Variants in GGNBP2 observed in about 807,000 individuals in gnomAD.
GGNBP2 encodes the protein gametogenetin binding protein 2, also known as gametogenetin-binding protein 2.
Under a neutral mutation model 85.9 loss-of-function variants are expected in GGNBP2, and 10 were observed. That is an observed-to-expected ratio of 0.12 (90% CI 0.07 to 0.20). The LOEUF is 0.20. Ranked by LOEUF, GGNBP2 falls within the 10% of genes least tolerant of loss-of-function variation. The probability of loss-of-function intolerance (pLI) is 1.00; values close to 1 mark genes in which losing one functional copy is unlikely to be tolerated. For synonymous variants in GGNBP2, 287 were observed against 285.7 expected (o/e 1.00, Z -0.05); for missense variants, 595 against 857.8 (o/e 0.69, Z 3.83).
At chr17:36,576,442 G>A (rs1371354365) in intron 6 of GGNBP2, among the ~76,000 whole-genome samples, 3 of 98,098 alleles carry the variant, frequency 3.1e-5, no homozygotes, top group Middle Eastern at 5.0e-3. Flanking sequence ...TAATCCCAGC[G>A]ACTCGGGAGA....
At chr17:36,572,462 G>A (rs1468738690) in intron 6 of GGNBP2, among the ~76,000 whole-genome samples, 1 of 152,192 alleles carries the variant, frequency 6.6e-6, no homozygotes, top group Non-Finnish European at 1.5e-5. Flanking sequence ...ACTGAGGTGG[G>A]CGGATTGTTT....
intron 6 of GGNBP2, chr17:36,575,301 G>A (rs374903756): frequency 2.4e-5 from 12 of 491,746 alleles, no homozygotes; most frequent in African/African-American, 1.8e-4. Context: ...CCCCACCACC[G>A]GCTGCCACCA....
At chr17:36,569,688 A>G (rs2142743535) in intron 6 of GGNBP2, among the ~76,000 whole-genome samples, 1 of 152,186 alleles carries the variant, frequency 6.6e-6, no homozygotes, top group East Asian at 1.9e-4. Flanking sequence ...TTTTTGGTGG[A>G]TTATGCCCAA....
chr17:36,553,997 T>C (rs1211815871), intron 2 of GGNBP2, among the ~76,000 whole-genome samples: 1 of 152,120 alleles, frequency 6.6e-6, no homozygotes, highest in Non-Finnish European at 1.5e-5. Flanking sequence ...GCCCTTTTTG[T>C]TCATAATTAG....
At chr17:36,550,296 C>A (rs1446130305) in intron 2 of GGNBP2, among the ~76,000 whole-genome samples, 2 of 151,168 alleles carry the variant, frequency 1.3e-5, no homozygotes, top group African/African-American at 4.8e-5. Flanking sequence ...TCTAAATAGA[C>A]TACTCTGATA....
chr17:36,577,909 C>A, intron 6 of GGNBP2, 74 bp from the exon 7 acceptor site: 1 of 1,145,076 alleles, frequency 8.7e-7, no homozygotes, highest in Non-Finnish European at 1.3e-6. Context: ...GTGCCATCAT[C>A]TAGTACACTG....
At chr17:36,572,763 A>G (rs1044068919) in intron 6 of GGNBP2, among the ~76,000 whole-genome samples, 8 of 152,308 alleles carry the variant, frequency 5.3e-5, no homozygotes, top group South Asian at 2.1e-4. Flanking sequence ...TGTTAACTAT[A>G]TGCACATTGT....
At chr17:36,553,745 A>G (rs900327097) in intron 2 of GGNBP2, among the ~76,000 whole-genome samples, 1 of 152,186 alleles carries the variant, frequency 6.6e-6, no homozygotes, top group East Asian at 1.9e-4. Flanking sequence ...TTTTGAAGGC[A>G]TATCTTTTTC....
chr17:36,576,613 G>GTA (rs1280919620), intron 6 of GGNBP2: 3 of 120,472 alleles, frequency 2.5e-5, no homozygotes, highest in African/African-American at 7.2e-5. Flanking sequence ...GTGTGTGTGT[G>GTA]TGTGTGTGTG....
chr17:36,565,124 G>A lies in GGNBP2; in HGVS notation c.528-2539G>A, dbSNP rs543284141. Among the ~76,000 whole-genome samples the A allele has an allele frequency of 3.1e-4, 47 of 152,308 alleles. No homozygotes were observed. In the South Asian group the frequency reaches 4.8e-3, roughly 15 times the overall value. On this transcript the variant is annotated intron_variant, in intron 5 of 13. Coordinates refer to ENST00000613102, the MANE Select transcript of GGNBP2 (RefSeq NM_024835.5). ...AGCCAAGGTGTAAAAGCGTTCCAAG[G>A]AAGTCTGATCAACTATATTAAATGC...
chr17:36,560,628 G>A (rs1334676791), intron 4 of GGNBP2, 145 bp from the exon 5 acceptor site: 3 of 500,274 alleles, frequency 6.0e-6, no homozygotes, highest in African/African-American at 2.0e-5. Context: ...TGAGTGCCAG[G>A]CACACTGCTA....
intron 13 of GGNBP2, among the ~76,000 whole-genome samples, chr17:36,588,243 C>T (rs758312557): frequency 2.0e-5 from 3 of 152,016 alleles, no homozygotes; most frequent in Non-Finnish European, 2.9e-5. Context: ...CCAAATCCTT[C>T]GGAATACTAG....
chr17:36,562,510 C>G (rs987832960), intron 5 of GGNBP2, among the ~76,000 whole-genome samples: 4 of 150,620 alleles, frequency 2.7e-5, no homozygotes, highest in African/African-American at 9.8e-5. Flanking sequence ...GTGTCATTGT[C>G]ACCTTTTTTT....
chr17:36,573,683 G>T (rs2074548895), intron 6 of GGNBP2, among the ~76,000 whole-genome samples: 1 of 152,140 alleles, frequency 6.6e-6, no homozygotes, highest in African/African-American at 2.4e-5. Flanking sequence ...AGTAACACTT[G>T]TTATTTGTTG....
At chr17:36,569,864 T>G (rs1265947980) in intron 6 of GGNBP2, among the ~76,000 whole-genome samples, 1 of 152,204 alleles carries the variant, frequency 6.6e-6, no homozygotes, top group Non-Finnish European at 1.5e-5. Context: ...TTATAATGGT[T>G]TTGTAGATTT....
chr17:36,571,003 G>C (rs1555606699), intron 6 of GGNBP2, among the ~76,000 whole-genome samples: 1 of 152,206 alleles, frequency 6.6e-6, no homozygotes, highest in African/African-American at 2.4e-5. Context: ...CTGGGTGACA[G>C]AGTGAGACTC....
At chr17:36,557,416 TG>T in intron 4 of GGNBP2, 80 bp downstream of exon 4, 1 of 1,173,620 alleles carries the variant, frequency 8.5e-7, no homozygotes, top group South Asian at 1.3e-5. Context: ...ATTTTCTTGA[TG>T]GAAAGATTGA....
At chr17:36,554,692 C>A in intron 2 of GGNBP2, 128 bp from the exon 3 acceptor site, 1 of 681,434 alleles carries the variant, frequency 1.5e-6, no homozygotes, top group Non-Finnish European at 2.7e-6. Flanking sequence ...TTGGATTTAA[C>A]AAAATTTTTT....
At chr17:36,554,492 C>T (rs1234896697) in intron 2 of GGNBP2, among the ~76,000 whole-genome samples, 1 of 150,232 alleles carries the variant, frequency 6.7e-6, no homozygotes, top group Non-Finnish European at 1.5e-5. Context: ...CTCAGCCTCC[C>T]AAGTAGCTAG....
Sources: allele counts gnomAD v4.1 joint callset (sites outside exome capture counted in the v4.1 genomes callset), GRCh38; gene constraint gnomAD v4.1.1; transcripts MANE v1.5; gene names NCBI Gene and HGNC (gene_info 2026-07-23, HGNC 2026-07-21).